The following CDH4 variants were observed in gnomAD, a reference collection of about 807,000 sequenced individuals.
CDH4 encodes the protein cadherin-4.
In CDH4, 33 loss-of-function variants were observed where a neutral mutation model predicts 86.0. The observed-to-expected ratio is 0.38, with a 90% CI of 0.29 to 0.51. The LOEUF (loss-of-function observed/expected upper bound fraction) is 0.51, where lower values mean the gene tolerates loss of function less well. CDH4 is among the 20% of genes least tolerant of loss of function. CDH4 has a pLI of 0.86. For synonymous variants in CDH4, 555 were observed against 549.4 expected (o/e 1.01, Z -0.14); for missense variants, 1,114 against 1,307.4 (o/e 0.85, Z 2.28).
chr20:61,936,919 G>T lies in CDH4; in HGVS notation c.2727G>T (p.Met909Ile). The T allele has an allele frequency of 6.3e-7, 1 of 1,590,556 alleles. No homozygotes were observed. Among genetic ancestry groups the T allele is most frequent in the Non-Finnish European group, 8.6e-7 (1 of 1,168,790 alleles). The change falls in exon 16 of 16, where the codon ATG (methionine) becomes ATT (isoleucine). Residue 909 changes from methionine (M) to isoleucine (I), a missense_variant. Coordinates refer to ENST00000614565, the MANE Select transcript of CDH4 (RefSeq NM_001794.5). ...WGPRFKKLAD[M>I]YGGGEED ...CCAGATTCAAGAAGCTGGCGGACATGTATGGAGGTGGTGAAGAGGATTGAC... is the reference window on the plus strand; with the variant it reads ...CCAGATTCAAGAAGCTGGCGGACATTTATGGAGGTGGTGAAGAGGATTGAC...
intron 2 of CDH4, chr20:61,570,669 C>T: frequency 1.4e-6 from 1 of 702,322 alleles, no homozygotes. Flanking sequence ...GCTGTGGATC[C>T]AGAACTCAAG....
intron 3 of CDH4, among the ~76,000 whole-genome samples, chr20:61,768,684 G>C (rs183076829): frequency 6.6e-6 from 1 of 152,204 alleles, no homozygotes; most frequent in Non-Finnish European, 1.5e-5. Context: ...TTCGACCAGG[G>C]TGAGTGCTAA....
At chr20:61,362,037 G>A (rs538935136) in intron 2 of CDH4, among the ~76,000 whole-genome samples, 2 of 152,374 alleles carry the variant, frequency 1.3e-5, no homozygotes, top group East Asian at 1.9e-4. Context: ...AGAGCAGTGG[G>A]TGCTGGTGAA....
intron 2 of CDH4, among the ~76,000 whole-genome samples, chr20:61,633,354 C>T (rs2086914129): frequency 6.6e-6 from 1 of 152,072 alleles, no homozygotes; most frequent in African/African-American, 2.4e-5. Context: ...TTCATTCATC[C>T]ATCCATCTAT....
chr20:61,936,041 C>T (rs73917156), intron 15 of CDH4, among the ~76,000 whole-genome samples: 43 of 152,166 alleles, frequency 2.8e-4, no homozygotes, highest in African/African-American at 8.9e-4. Context: ...GTGGCACCCG[C>T]GGGCACTGAG....
At chr20:61,310,468 C>A (rs964819089) in intron 2 of CDH4, among the ~76,000 whole-genome samples, 1 of 152,168 alleles carries the variant, frequency 6.6e-6, no homozygotes, top group Non-Finnish European at 1.5e-5. Flanking sequence ...TCATAAGGAG[C>A]GTGCACCTTG....
intron 3 of CDH4, among the ~76,000 whole-genome samples, chr20:61,750,486 G>A (rs1365663247): frequency 6.6e-6 from 1 of 152,146 alleles, no homozygotes; most frequent in Non-Finnish European, 1.5e-5. Flanking sequence ...ACAAAGAACT[G>A]TCCACACCTG....
intron 9 of CDH4, among the ~76,000 whole-genome samples, chr20:61,914,944 A>C (rs2054889089): frequency 6.6e-6 from 1 of 152,090 alleles, no homozygotes; most frequent in Non-Finnish European, 1.5e-5. Context: ...CTATTTCTGC[A>C]CTTCTCCAGA....
chr20:61,372,072 C>CA (rs1282181328), intron 2 of CDH4, among the ~76,000 whole-genome samples: 8 of 152,344 alleles, frequency 5.3e-5, no homozygotes, highest in Admixed American at 3.9e-4. Flanking sequence ...TTTTGCTCCA[C>CA]ATTTGTCACC....
At chr20:61,739,502 G>A (rs1246567480) in intron 2 of CDH4, among the ~76,000 whole-genome samples, 1 of 152,178 alleles carries the variant, frequency 6.6e-6, no homozygotes, top group African/African-American at 2.4e-5. Context: ...TGAGGGGAGG[G>A]GTAGGGCAGG....
intron 2 of CDH4, among the ~76,000 whole-genome samples, chr20:61,657,537 G>A (rs1041645748): frequency 1.3e-5 from 2 of 152,190 alleles, no homozygotes; most frequent in African/African-American, 4.8e-5. Context: ...AGGCAGATAA[G>A]TAGTCTTCCA....
chr20:61,822,388 T>C (rs62206308), intron 4 of CDH4, among the ~76,000 whole-genome samples: 18,411 of 152,248 alleles, frequency 0.12, 1,875 homozygotes, highest in African/African-American at 0.27. Context: ...GTTTAGATTA[T>C]CAGAATTTTT....
chr20:61,853,531 T>C (rs532209135), intron 6 of CDH4, among the ~76,000 whole-genome samples: 1 of 151,664 alleles, frequency 6.6e-6, no homozygotes, highest in East Asian at 2.0e-4. Flanking sequence ...CGCCTGCTTT[T>C]TCATGTGTGG....
chr20:61,486,845 C>T (rs6121639), intron 2 of CDH4, among the ~76,000 whole-genome samples: 6,734 of 152,196 alleles, frequency 0.044, 505 homozygotes, highest in African/African-American at 0.15. Context: ...ACTATGATTG[C>T]ATCACTGTAC....
rs759049763 is a variant in CDH4 at position 61,399,294 on chromosome 20, G to T, written c.169+144357G>T. Among the ~76,000 whole-genome samples, 3 of 107,296 alleles carry T rather than the reference G, an allele frequency of 2.8e-5. 1 individual carries two copies. Among genetic ancestry groups the T allele is most frequent in the Non-Finnish European group, 3.7e-5 (2 of 53,796 alleles). The allele number at this position is 107,296 out of a possible 152,430, so 70.4% of individuals were successfully genotyped here. On this transcript the variant is annotated intron_variant, in intron 2 of 15. Transcript: ENST00000614565. ...ACTACAGGCGCCCGCCACCATGCCCGGCTAATTTTTTGTATTTTTAGTAGA... is the reference window on the plus strand; with the variant it reads ...ACTACAGGCGCCCGCCACCATGCCCTGCTAATTTTTTGTATTTTTAGTAGA...
intron 9 of CDH4, among the ~76,000 whole-genome samples, chr20:61,912,138 G>A (rs769946859): frequency 1.3e-5 from 2 of 152,280 alleles, no homozygotes; most frequent in East Asian, 1.9e-4. Context: ...AATCAAAAAG[G>A]GGGGAAGAAT....
intron 2 of CDH4, among the ~76,000 whole-genome samples, chr20:61,559,658 A>G (rs2086202312): frequency 6.6e-6 from 1 of 150,912 alleles, no homozygotes; most frequent in Non-Finnish European, 1.5e-5. Flanking sequence ...AGCTGGGACT[A>G]CAGGCGTGTG....
chr20:61,419,107 G>T (rs555987161), intron 2 of CDH4, among the ~76,000 whole-genome samples: 1 of 152,308 alleles, frequency 6.6e-6, no homozygotes, highest in East Asian at 1.9e-4. Context: ...ATGACAGTGG[G>T]TCAGTGTTTT....
rs934450656 is a variant in CDH4 at position 61,798,080 on chromosome 20, C to A, written c.576+24898C>A. 2.6e-5 allele frequency among the ~76,000 whole-genome samples: 4 copies of A among 152,220 alleles called. No homozygotes were observed. In the South Asian group the frequency reaches 8.3e-4, roughly 31 times the overall value. On this transcript the variant is annotated intron_variant, in intron 4 of 15. Transcript: ENST00000614565. ...CCAGCCTCTCTGAGTCTCGCTGTCA[C>A]ATCCATGAGCAGTTCCTTTGACACC...
Sources: allele counts gnomAD v4.1 joint callset (sites outside exome capture counted in the v4.1 genomes callset), GRCh38; gene constraint gnomAD v4.1.1; transcripts MANE v1.5; gene names NCBI Gene and HGNC (gene_info 2026-07-23, HGNC 2026-07-21).